STK33: variants seen among roughly 807,000 people sequenced by gnomAD.
STK33 encodes the protein serine/threonine kinase 33.
STK33 carries 52 observed loss-of-function variants against 58.0 expected under a neutral mutation model. The ratio of observed to expected loss-of-function variants is 0.90; its 90% confidence interval spans 0.72 to 1.13. The LOEUF is 1.13. Ranked by LOEUF, STK33 falls within the 50% of genes most tolerant of loss-of-function variation. STK33 has a pLI of 0.00. For synonymous variants in STK33, 215 were observed against 200.1 expected, an observed-to-expected ratio of 1.07 and a Z score of -0.63; for missense variants, 630 against 604.2, an observed-to-expected ratio of 1.04 and a Z score of -0.45.
At chr11:8,371,603 C>CTCTCTCTT in the STK33 span, among the ~76,000 whole-genome samples, 1 of 149,316 alleles carries the variant, frequency 6.7e-6, no homozygotes, top group Non-Finnish European at 1.5e-5. Flanking sequence ...CTTTTCCTTT[C>CTCTCTCTT]TCTTTCTTTC....
At chr11:8,451,598 C>G (rs1231895166) in intron 11 of STK33, among the ~76,000 whole-genome samples, 1 of 151,948 alleles carries the variant, frequency 6.6e-6, no homozygotes, top group Non-Finnish European at 1.5e-5. Context: ...CTACCTGGGA[C>G]TGGGATAGGA....
At chr11:8,369,295 C>CTGTGTGTGTGTG in the STK33 span, among the ~76,000 whole-genome samples, 3,983 of 137,670 alleles carry the variant, frequency 0.029, 93 homozygotes, top group Middle Eastern at 0.055. Context: ...GGTTTTTACT[C>CTGTGTGTGTGTG]TGTGTGTGTG....
intron 1 of STK33, among the ~76,000 whole-genome samples, chr11:8,592,931 G>GCTA (rs2032842629): frequency 6.6e-6 from 1 of 152,172 alleles, no homozygotes; most frequent in Non-Finnish European, 1.5e-5. Context: ...TAGTTAAGAG[G>GCTA]CTACTACTGG....
At chr11:8,424,585 A>C (rs1250590342) in intron 14 of STK33, among the ~76,000 whole-genome samples, 2 of 151,630 alleles carry the variant, frequency 1.3e-5, no homozygotes, top group Non-Finnish European at 2.9e-5. Context: ...CAATGGTTGA[A>C]CTAGTTTACA....
intron 1 of STK33, among the ~76,000 whole-genome samples, chr11:8,500,831 A>C (rs1431149207): frequency 6.6e-6 from 1 of 152,200 alleles, no homozygotes; most frequent in Non-Finnish European, 1.5e-5. Context: ...CCTACAACAG[A>C]CATATAGATC....
At chr11:8,388,470 C>T (rs1370297262), downstream of STK33, among the ~76,000 whole-genome samples, 1 of 152,222 alleles carries the variant, frequency 6.6e-6, no homozygotes, top group Non-Finnish European at 1.5e-5. Flanking sequence ...AAATCAAAAT[C>T]GGTTCTCAGC....
chr11:8,425,973 T>A (rs1442406568), intron 14 of STK33, among the ~76,000 whole-genome samples: 1 of 152,026 alleles, frequency 6.6e-6, no homozygotes, highest in Non-Finnish European at 1.5e-5. Flanking sequence ...CCCCAGTGGG[T>A]GTGTGTTACA....
At chr11:8,553,835 C>A (rs77720092) in intron 1 of STK33, among the ~76,000 whole-genome samples, 2,324 of 151,892 alleles carry the variant, frequency 0.015, 19 homozygotes, top group East Asian at 0.045. Flanking sequence ...ATATAAGACC[C>A]GAAACTATAA....
At chr11:8,585,539 T>A (rs1377811573) in intron 1 of STK33, among the ~76,000 whole-genome samples, 1 of 152,014 alleles carries the variant, frequency 6.6e-6, no homozygotes, top group Non-Finnish European at 1.5e-5. Context: ...ATGATTTTTT[T>A]AAGCTAGCGT....
intron 14 of STK33, among the ~76,000 whole-genome samples, chr11:8,420,001 TCTCA>T (rs1490817777): frequency 7.2e-5 from 11 of 152,056 alleles, no homozygotes; most frequent in African/African-American, 2.4e-4. Context: ...TGTAGAGGAG[TCTCA>T]CTATGTTGCC....
intron 1 of STK33, among the ~76,000 whole-genome samples, chr11:8,579,289 T>C (rs939435479): frequency 7.2e-5 from 11 of 152,036 alleles, no homozygotes; most frequent in Non-Finnish European, 1.6e-4. Context: ...TGCCACTATA[T>C]ATAGGCATAT....
the STK33 span, among the ~76,000 whole-genome samples, chr11:8,347,086 C>T: frequency 2.5e-4 from 38 of 152,214 alleles, no homozygotes; most frequent in African/African-American, 8.7e-4. Flanking sequence ...GTTAACTCAA[C>T]ATCTTTTGCA....
the STK33 span, among the ~76,000 whole-genome samples, chr11:8,374,126 C>A: frequency 3.6e-3 from 546 of 152,352 alleles, 2 homozygotes; most frequent in African/African-American, 5.4e-3. Context: ...GTCTAGAGAT[C>A]TGGCTGATGT....
chr11:8,393,280 C>G (rs552423333), intron 15 of STK33, among the ~76,000 whole-genome samples: 2 of 152,260 alleles, frequency 1.3e-5, no homozygotes, highest in East Asian at 3.9e-4. Flanking sequence ...ACATTTGCCA[C>G]AAGAGCTTAC....
chr11:8,439,616 C>T (rs117337787), intron 12 of STK33, among the ~76,000 whole-genome samples: 7,223 of 151,498 alleles, frequency 0.048, 251 homozygotes, highest in Non-Finnish European at 0.065. Flanking sequence ...AGAATACACA[C>T]ATACCCATAC....
At chr11:8,384,851 C>A in the STK33 span, among the ~76,000 whole-genome samples, 1 of 152,178 alleles carries the variant, frequency 6.6e-6, no homozygotes, top group African/African-American at 2.4e-5. Flanking sequence ...GGACTCCGCG[C>A]ATTCATGGTA....
the STK33 span, among the ~76,000 whole-genome samples, chr11:8,360,183 T>C: frequency 6.6e-6 from 1 of 152,228 alleles, no homozygotes; most frequent in Non-Finnish European, 1.5e-5. Context: ...ACCCTACAAC[T>C]CCACAGTTTA....
intron 1 of STK33, among the ~76,000 whole-genome samples, chr11:8,492,967 T>C (rs545658746): frequency 3.3e-5 from 5 of 152,312 alleles, no homozygotes; most frequent in African/African-American, 9.6e-5. Context: ...GGGAAACTTA[T>C]AGCACTAAAT....
intron 15 of STK33, 111 bp from the exon 16 acceptor site, chr11:8,392,821 G>T: frequency 1.0e-6 from 1 of 998,396 alleles, no homozygotes; most frequent in Non-Finnish European, 1.5e-6. Context: ...GCCCTCTCTA[G>T]ATATAGGGTC....
Sources: gnomAD v4.1 joint callset for allele counts (sites outside exome capture counted in the v4.1 genomes callset) on GRCh38, gnomAD v4.1.1 for gene constraint, MANE v1.5 for transcripts, NCBI Gene and HGNC (gene_info 2026-07-23, HGNC 2026-07-21) for gene names.